The following COL28A1 variants were observed in gnomAD, a reference collection of about 807,000 sequenced individuals.
COL28A1 encodes the protein collagen type XXVIII alpha 1 chain.
Under a neutral mutation model 150.2 loss-of-function variants are expected in COL28A1, and 161 were observed. That is an observed-to-expected ratio of 1.07 (90% CI 0.94 to 1.22). The LOEUF (loss-of-function observed/expected upper bound fraction) is 1.22, where lower values mean the gene tolerates loss of function less well. Ranked by LOEUF, COL28A1 falls within the 50% of genes most tolerant of loss-of-function variation. COL28A1 has a pLI of 0.00. For synonymous variants in COL28A1, 552 were observed against 469.7 expected, an observed-to-expected ratio of 1.18 and a Z score of -2.26; for missense variants, 1,617 against 1,388.3, an observed-to-expected ratio of 1.16 and a Z score of -2.62.
chr7:7,363,844 G>A (rs534433859), intron 33 of COL28A1, among the ~76,000 whole-genome samples: 9 of 152,054 alleles, frequency 5.9e-5, no homozygotes, highest in Middle Eastern at 3.4e-3. Context: ...TGCCCAGCAC[G>A]ATCTCGGCTC....
At chr7:7,343,718 C>T in the COL28A1 span, among the ~76,000 whole-genome samples, 9 of 151,910 alleles carry the variant, frequency 5.9e-5, no homozygotes, top group African/African-American at 2.2e-4. Flanking sequence ...ATTTAAAGTG[C>T]ATTTATGGGC....
At chr7:7,367,583 A>T (rs1296214620) in intron 33 of COL28A1, among the ~76,000 whole-genome samples, 2 of 151,874 alleles carry the variant, frequency 1.3e-5, no homozygotes, top group Non-Finnish European at 2.9e-5. Flanking sequence ...TGGTGTTATA[A>T]ATCCAGAGTA....
chr7:7,519,342 A>T (rs1562895085), intron 6 of COL28A1, among the ~76,000 whole-genome samples: 1 of 152,194 alleles, frequency 6.6e-6, no homozygotes, highest in Non-Finnish European at 1.5e-5. Flanking sequence ...CTCTCCCACC[A>T]CATGTGGGAA....
At chr7:7,342,636 A>C in the COL28A1 span, among the ~76,000 whole-genome samples, 1 of 151,920 alleles carries the variant, frequency 6.6e-6, no homozygotes, top group Non-Finnish European at 1.5e-5. Flanking sequence ...CCACATGCAT[A>C]TTTCACATAT....
chr7:7,376,619 T>C (rs1040616834), intron 30 of COL28A1, among the ~76,000 whole-genome samples: 4 of 152,024 alleles, frequency 2.6e-5, no homozygotes, highest in African/African-American at 9.7e-5. Context: ...AACAAGAACA[T>C]GTACAGAAAG....
intron 27 of COL28A1, among the ~76,000 whole-genome samples, chr7:7,391,011 T>G (rs941566676): frequency 1.3e-5 from 2 of 152,204 alleles, no homozygotes; most frequent in Non-Finnish European, 2.9e-5. Flanking sequence ...ATTTCTTGTC[T>G]TCTTCTAGCT....
At chr7:7,416,175 G>T (rs919654121) in intron 27 of COL28A1, among the ~76,000 whole-genome samples, 1 of 152,188 alleles carries the variant, frequency 6.6e-6, no homozygotes, top group Non-Finnish European at 1.5e-5. Flanking sequence ...CCTAAGTGAA[G>T]GAAAAGCTTA....
intron 8 of COL28A1, 48 bp from the exon 9 acceptor site, chr7:7,511,183 C>G (rs1479352685): frequency 7.2e-7 from 1 of 1,386,072 alleles, no homozygotes; most frequent in East Asian, 2.3e-5. Context: ...TGCAGTCATT[C>G]ACTATTAAGA....
intron 27 of COL28A1, among the ~76,000 whole-genome samples, chr7:7,386,033 A>G (rs1294634): frequency 0.66 from 100,549 of 152,066 alleles, 34,417 homozygotes; most frequent in Non-Finnish European, 0.73. Flanking sequence ...ACTGCAGGAA[A>G]CAACCTATTT....
chr7:7,403,775 T>G (rs753640898), intron 27 of COL28A1, among the ~76,000 whole-genome samples: 1 of 152,202 alleles, frequency 6.6e-6, no homozygotes, highest in Admixed American at 6.5e-5. Flanking sequence ...AGTCCAGATA[T>G]AAAATACAGT....
intron 13 of COL28A1, among the ~76,000 whole-genome samples, chr7:7,477,799 T>G (rs939649000): frequency 2.6e-5 from 4 of 152,202 alleles, no homozygotes; most frequent in Admixed American, 2.0e-4. Flanking sequence ...TTGCCTCTGC[T>G]GGCTAGGGCA....
At chr7:7,381,869 G>A (rs976679658) in intron 27 of COL28A1, among the ~76,000 whole-genome samples, 1 of 152,136 alleles carries the variant, frequency 6.6e-6, no homozygotes. Context: ...GCCTATTTCT[G>A]TGGTGTAAAT....
intron 15 of COL28A1, among the ~76,000 whole-genome samples, chr7:7,473,927 T>A (rs901335611): frequency 1.3e-5 from 2 of 149,668 alleles, no homozygotes. Context: ...TTTATATATA[T>A]GATGGAATAT....
intron 3 of COL28A1, among the ~76,000 whole-genome samples, chr7:7,530,586 G>T (rs576635191): frequency 6.6e-6 from 1 of 152,082 alleles, no homozygotes; most frequent in Non-Finnish European, 1.5e-5. Context: ...ATCTCTAGGC[G>T]TTTTCTCCTT....
chr7:7,419,914 G>A lies in COL28A1; in HGVS notation c.2038C>T (p.Pro680Ser). Residue 680 changes from proline to serine, a missense_variant, in exon 26 of 35, where the codon CCT (proline) becomes TCT (serine). Transcript: ENST00000399429. The part of the protein sequence containing the change: ...GVRGPPGPSG[P>S]RGVGTQGPKG... ...GGCCCTTGGGTTCCTACGCCCCGAG[G>A]CCCAGAAGGACCTGGAGGGCCTCTG... 1 of 1,602,424 alleles carries A rather than the reference G, an allele frequency of 6.2e-7. No individual in the cohort carries two copies. The highest frequency in any genetic ancestry group is 2.3e-5 in the East Asian group (1 of 44,306).
chr7:7,350,447 T>A, the COL28A1 span, among the ~76,000 whole-genome samples: 1 of 152,066 alleles, frequency 6.6e-6, no homozygotes, highest in African/African-American at 2.4e-5. Flanking sequence ...TGCTCCAAAA[T>A]TTGAAGAAGC....
chr7:7,540,824 C>A (rs1332166786), upstream of COL28A1, among the ~76,000 whole-genome samples: 2 of 152,148 alleles, frequency 1.3e-5, no homozygotes, highest in African/African-American at 4.8e-5. Context: ...ACCACCTCTT[C>A]GAACCCTGGG....
chr7:7,447,637 C>T (rs1786362989), intron 18 of COL28A1, among the ~76,000 whole-genome samples: 1 of 151,488 alleles, frequency 6.6e-6, no homozygotes, highest in Admixed American at 6.6e-5. Flanking sequence ...GTTAAATAGA[C>T]AAATGGAAGA....
intron 27 of COL28A1, among the ~76,000 whole-genome samples, chr7:7,414,823 G>A (rs559287387): frequency 1.2e-4 from 19 of 152,032 alleles, no homozygotes; most frequent in Non-Finnish European, 4.4e-5. Context: ...TCATTACTTG[G>A]CCTATAGGAC....
Sources: allele counts gnomAD v4.1 joint callset (sites outside exome capture counted in the v4.1 genomes callset), GRCh38; gene constraint gnomAD v4.1.1; transcripts MANE v1.5; gene names NCBI Gene and HGNC (gene_info 2026-07-23, HGNC 2026-07-21).